Variants in SIPA1L1 observed in about 807,000 individuals in gnomAD.
SIPA1L1 encodes the protein signal induced proliferation associated 1 like 1, also known as signal-induced proliferation-associated 1-like protein 1.
In SIPA1L1, 26 loss-of-function variants were observed where a neutral mutation model predicts 162.7. The observed-to-expected ratio is 0.16, with a 90% CI of 0.12 to 0.22. SIPA1L1 has a LOEUF of 0.22. SIPA1L1 is among the 10% of genes least tolerant of loss of function. The pLI is 1.00. For missense variants in SIPA1L1, 1,874 were observed against 2,241.0 expected (o/e 0.84, Z 3.31); for synonymous variants, 829 against 837.4 (o/e 0.99, Z 0.17).
chr14:71,550,871 C>T (rs1056771386), intron 4 of SIPA1L1, among the ~76,000 whole-genome samples: 3 of 152,026 alleles, frequency 2.0e-5, no homozygotes, highest in Admixed American at 6.6e-5. Context: ...AGCAACAAAG[C>T]GAGATTCTAT....
chr14:71,390,207 C>G (rs966474496), intron 2 of SIPA1L1, among the ~76,000 whole-genome samples: 1 of 152,040 alleles, frequency 6.6e-6, no homozygotes, highest in Non-Finnish European at 1.5e-5. Context: ...GTTAAACAAT[C>G]CAAATATTTT....
At chr14:71,524,130 C>CCTGT (rs71105784) in intron 3 of SIPA1L1, among the ~76,000 whole-genome samples, 31,328 of 152,010 alleles carry the variant, frequency 0.21, 3,441 homozygotes, top group Middle Eastern at 0.38. Flanking sequence ...TTTATCTGTT[C>CCTGT]CTGTCTGTTG....
chr14:71,480,439 G>A lies in SIPA1L1; in HGVS notation c.-464-32304G>A, dbSNP rs1271757562. ...CACATCTTAAAATAATAGACATTCTGTTTCTCTTAGTCTTAAAAAAAAAAA... is the reference window on the plus strand; with the variant it reads ...CACATCTTAAAATAATAGACATTCTATTTCTCTTAGTCTTAAAAAAAAAAA... On this transcript the variant is annotated intron_variant, in intron 2 of 23. Transcript: ENST00000381232. 1.5e-4 allele frequency among the ~76,000 whole-genome samples: 21 copies of A among 137,546 alleles called. No homozygotes were observed. In the Admixed American group the frequency reaches 1.6e-3, roughly 10 times the overall value. The allele number at this position is 137,546 out of a possible 152,430, so 90.2% of individuals were successfully genotyped here. A position where few individuals can be genotyped will look rare whatever the true frequency, so the allele number is the denominator to read the frequency against.
At chr14:71,569,321 C>T (rs943437211) in intron 4 of SIPA1L1, among the ~76,000 whole-genome samples, 2 of 152,072 alleles carry the variant, frequency 1.3e-5, no homozygotes, top group Admixed American at 6.5e-5. Context: ...TCTCTGCAAC[C>T]CCAGGATTGG....
intron 2 of SIPA1L1, among the ~76,000 whole-genome samples, chr14:71,498,261 A>G (rs983783037): frequency 2.6e-5 from 4 of 152,250 alleles, no homozygotes; most frequent in African/African-American, 7.2e-5. Context: ...TGTAATTTTC[A>G]TATGGGTTTG....
At position 71,377,096 on chromosome 14, in the gene SIPA1L1, C is replaced by A. The variant is rs1482558430; in HGVS notation, c.-465+55915C>A. On this transcript the variant is annotated intron_variant, in intron 2 of 23. Transcript: ENST00000381232. This position sits in a 1 kb window ranked among gnomAD's most constrained non-coding sequence, Gnocchi z 4.8. ...GCTGGGCAGAGGGGCTCCTCACTTT[C>A]CAGATGTGGCGGCCGGGCAGAGGGG... 6.6e-6 allele frequency among the ~76,000 whole-genome samples: 1 copy of A among 151,712 alleles called. No individual in the cohort carries two copies. Among genetic ancestry groups the A allele is most frequent in the East Asian group, 1.9e-4 (1 of 5,176 alleles).
intron 4 of SIPA1L1, among the ~76,000 whole-genome samples, chr14:71,558,512 C>G (rs574433497): frequency 1.3e-5 from 2 of 152,266 alleles, no homozygotes; most frequent in East Asian, 1.9e-4. Flanking sequence ...GCTAACCACT[C>G]TCTCTGTTTT....
At chr14:71,544,163 GTACATATATGCACGTGTGTGTATATA>G (rs1469573287) in intron 4 of SIPA1L1, among the ~76,000 whole-genome samples, 83 of 146,312 alleles carry the variant, frequency 5.7e-4, no homozygotes, top group African/African-American at 2.0e-3. Context: ...GTGTGTATAT[GTACATATATGCACGTGTGTGTATATA>G]TACATATGCA....
chr14:71,691,156 ACAGCCTCTAGGTATGATTAC>A, intron 13 of SIPA1L1, among the ~76,000 whole-genome samples: 1 of 152,348 alleles, frequency 6.6e-6, no homozygotes. Context: ...ACTGTTGCCA[ACAGCCTCTAGGTATGATTAC>A]CAGCCTCCCA....
intron 2 of SIPA1L1, among the ~76,000 whole-genome samples, chr14:71,458,100 G>A (rs1381241616): frequency 1.3e-5 from 2 of 151,480 alleles, no homozygotes; most frequent in African/African-American, 4.9e-5. Flanking sequence ...TACTTTTTGT[G>A]TCTTAGGAAG....
At chr14:71,358,883 A>G (rs1266691915) in intron 2 of SIPA1L1, among the ~76,000 whole-genome samples, 2 of 152,146 alleles carry the variant, frequency 1.3e-5, no homozygotes, top group Non-Finnish European at 2.9e-5. Context: ...TGAGAACTTG[A>G]GAACAGCACC....
intron 11 of SIPA1L1, 59 bp downstream of exon 11, chr14:71,671,751 A>G (rs1596817173): frequency 7.6e-7 from 1 of 1,309,222 alleles, no homozygotes; most frequent in Non-Finnish European, 1.0e-6. Flanking sequence ...TTTTCAATAC[A>G]GACTAGAGCC....
intron 14 of SIPA1L1, among the ~76,000 whole-genome samples, chr14:71,702,135 C>T (rs895570735): frequency 7.9e-5 from 12 of 152,168 alleles, no homozygotes; most frequent in Admixed American, 5.9e-4. Flanking sequence ...ATGGCTTCCG[C>T]CCTCATTGTT....
intron 16 of SIPA1L1, 45 bp from the exon 17 acceptor site, chr14:71,709,177 A>G (rs370654359): frequency 6.7e-7 from 1 of 1,495,676 alleles, no homozygotes; most frequent in Non-Finnish European, 9.1e-7. Context: ...TCTCTTGTTC[A>G]GGAAGCAAAA....
At chr14:71,461,013 A>G (rs1480361509) in intron 2 of SIPA1L1, among the ~76,000 whole-genome samples, 1 of 152,228 alleles carries the variant, frequency 6.6e-6, no homozygotes, top group African/African-American at 2.4e-5. Context: ...CTGTAAAGTT[A>G]GTGCCTTGGT....
At chr14:71,539,041 G>A (rs767076354) in intron 4 of SIPA1L1, among the ~76,000 whole-genome samples, 34 of 152,188 alleles carry the variant, frequency 2.2e-4, no homozygotes, top group Non-Finnish European at 4.1e-4. Context: ...CACAAGGGAA[G>A]ATGCACTCAT....
intron 2 of SIPA1L1, among the ~76,000 whole-genome samples, chr14:71,401,919 G>T (rs770499793): frequency 8.2e-4 from 124 of 152,052 alleles, no homozygotes; most frequent in Non-Finnish European, 1.6e-3. Context: ...GCATTTTTAT[G>T]TAGCATTGTC....
At chr14:71,442,534 T>G (rs1245878357) in intron 2 of SIPA1L1, among the ~76,000 whole-genome samples, 3 of 152,186 alleles carry the variant, frequency 2.0e-5, no homozygotes, top group Non-Finnish European at 2.9e-5. Context: ...GTCTATAAAT[T>G]TTTTTCTTTG....
intron 2 of SIPA1L1, among the ~76,000 whole-genome samples, chr14:71,354,226 G>A (rs960055498): frequency 6.6e-6 from 1 of 150,596 alleles, no homozygotes; most frequent in Non-Finnish European, 1.5e-5. Flanking sequence ...CATGATAAAC[G>A]AAAAATTAAA....
Sources: gnomAD v4.1 joint callset for allele counts (sites outside exome capture counted in the v4.1 genomes callset) on GRCh38, gnomAD v4.1.1 for gene constraint, Gnocchi (gnomAD v3.1) non-coding constraint, MANE v1.5 for transcripts, NCBI Gene and HGNC (gene_info 2026-07-23, HGNC 2026-07-21) for gene names.